HS6ST3: variants seen among roughly 807,000 people sequenced by gnomAD.
HS6ST3 encodes heparan sulfate 6-O-sulfotransferase 3, also known as heparan-sulfate 6-O-sulfotransferase 3.
Under a neutral mutation model 36.7 loss-of-function variants are expected in HS6ST3, and 12 were observed. The observed-to-expected ratio is 0.33, with a 90% CI of 0.21 to 0.53. HS6ST3 has a LOEUF of 0.53. HS6ST3 is among the 20% of genes least tolerant of loss of function. HS6ST3 has a pLI of 0.95. For missense variants in HS6ST3, 584 were observed against 640.9 expected (o/e 0.91, Z 0.96); for synonymous variants, 240 against 257.5 (o/e 0.93, Z 0.65).
intron 1 of HS6ST3, among the ~76,000 whole-genome samples, chr13:96,485,304 A>G (rs955737209): frequency 2.6e-5 from 4 of 151,972 alleles, no homozygotes; most frequent in Non-Finnish European, 5.9e-5. Context: ...TGTTGTATAT[A>G]TTTTATTAGA....
intron 1 of HS6ST3, among the ~76,000 whole-genome samples, chr13:96,202,808 T>G (rs1041663077): frequency 3.3e-5 from 5 of 152,214 alleles, no homozygotes; most frequent in Non-Finnish European, 7.3e-5. Flanking sequence ...GTTCACAGAA[T>G]GGAAAGTCTG....
At chr13:96,317,898 G>A (rs1022414882) in intron 1 of HS6ST3, among the ~76,000 whole-genome samples, 2 of 151,532 alleles carry the variant, frequency 1.3e-5, no homozygotes, top group Non-Finnish European at 3.0e-5. Context: ...TTTGTTGGGG[G>A]GAGTTATTTT....
intron 1 of HS6ST3, among the ~76,000 whole-genome samples, chr13:96,691,048 A>G (rs1180046983): frequency 2.0e-5 from 3 of 152,126 alleles, no homozygotes; most frequent in Admixed American, 2.0e-4. Flanking sequence ...ACAATGGCAA[A>G]TATTACATCA....
At chr13:96,357,743 A>T (rs1000146277) in intron 1 of HS6ST3, among the ~76,000 whole-genome samples, 4 of 152,062 alleles carry the variant, frequency 2.6e-5, no homozygotes, top group Admixed American at 2.6e-4. Flanking sequence ...GCTGGTCTCA[A>T]ACTCCTGGCC....
At chr13:96,290,243 T>G (rs1000525532) in intron 1 of HS6ST3, among the ~76,000 whole-genome samples, 7 of 152,080 alleles carry the variant, frequency 4.6e-5, no homozygotes, top group Non-Finnish European at 2.9e-5. Flanking sequence ...GGTTGGGCAG[T>G]GCAGCATAGC....
At chr13:96,328,068 A>C (rs2055042826) in intron 1 of HS6ST3, among the ~76,000 whole-genome samples, 1 of 147,214 alleles carries the variant, frequency 6.8e-6, no homozygotes, top group Non-Finnish European at 1.5e-5. Context: ...TATCAGCTTA[A>C]GGAGATTTTG....
At chr13:96,776,868 A>C (rs1877399039) in intron 1 of HS6ST3, among the ~76,000 whole-genome samples, 1 of 152,162 alleles carries the variant, frequency 6.6e-6, no homozygotes, top group Admixed American at 6.5e-5. Flanking sequence ...TGATAGAAAA[A>C]CCTGGCAGAG....
chr13:96,503,329 G>A (rs1455275531), intron 1 of HS6ST3, among the ~76,000 whole-genome samples: 1 of 152,164 alleles, frequency 6.6e-6, no homozygotes, highest in African/African-American at 2.4e-5. Context: ...CAACTGCCAT[G>A]TGAGGCCTAG....
chr13:96,561,508 T>C (rs774156422), intron 1 of HS6ST3, among the ~76,000 whole-genome samples: 3 of 151,886 alleles, frequency 2.0e-5, no homozygotes, highest in Non-Finnish European at 2.9e-5. Context: ...CAAAAGCAAT[T>C]CCTCAATAAA....
chr13:96,536,264 G>A (rs536784782), intron 1 of HS6ST3, among the ~76,000 whole-genome samples: 8 of 152,256 alleles, frequency 5.3e-5, no homozygotes, highest in East Asian at 1.9e-4. Flanking sequence ...GGCAGAAATC[G>A]TTGTCTTTGG....
In HS6ST3 at chr13:96,460,214, T is replaced by C. The variant is rs528758959; in HGVS notation, c.707+368645T>C. Among the ~76,000 whole-genome samples, 85 of 152,290 alleles carry C rather than the reference T, an allele frequency of 5.6e-4. 3 individuals carry two copies. The South Asian group carries it at 0.016, about 28-fold the overall frequency. ...AACCCCACTACTGTGCCATTATTAG[T>C]ATTTGGGAGCAGAAAGCAAACCCAG... On this transcript the variant is annotated intron_variant, in intron 1 of 1. Coordinates refer to ENST00000376705, the MANE Select transcript of HS6ST3 (RefSeq NM_153456.4).
At chr13:96,795,444 ACTT>A (rs1877886340) in intron 1 of HS6ST3, among the ~76,000 whole-genome samples, 1 of 152,068 alleles carries the variant, frequency 6.6e-6, no homozygotes, top group Non-Finnish European at 1.5e-5. Context: ...AGGTTATATA[ACTT>A]TCCCAAGGCC....
intron 1 of HS6ST3, among the ~76,000 whole-genome samples, chr13:96,391,296 A>T (rs894193858): frequency 6.6e-6 from 1 of 152,036 alleles, no homozygotes; most frequent in Non-Finnish European, 1.5e-5. Flanking sequence ...GCTTTGTGGA[A>T]CCCAAATATA....
intron 1 of HS6ST3, among the ~76,000 whole-genome samples, chr13:96,190,593 G>A (rs746220324): frequency 6.6e-6 from 1 of 152,162 alleles, no homozygotes; most frequent in Admixed American, 6.5e-5. Context: ...CAAGGTGTTG[G>A]AGATAAAGCA....
chr13:96,173,872 G>A (rs1013513634), intron 1 of HS6ST3, among the ~76,000 whole-genome samples: 13 of 151,826 alleles, frequency 8.6e-5, no homozygotes, highest in African/African-American at 3.1e-4. Flanking sequence ...TATTATTATG[G>A]TTAGTTACAT....
intron 1 of HS6ST3, among the ~76,000 whole-genome samples, chr13:96,473,993 C>G (rs1326755986): frequency 6.6e-6 from 1 of 152,156 alleles, no homozygotes; most frequent in Non-Finnish European, 1.5e-5. Flanking sequence ...GGTGAGCATT[C>G]CTGTGTTGTC....
intron 1 of HS6ST3, among the ~76,000 whole-genome samples, chr13:96,335,934 A>T (rs1174536538): frequency 1.3e-5 from 2 of 152,074 alleles, no homozygotes; most frequent in Non-Finnish European, 1.5e-5. Context: ...ATTATAATAA[A>T]CCTAAGTGTT....
At chr13:96,164,759 CTG>C (rs1227357153) in intron 1 of HS6ST3, among the ~76,000 whole-genome samples, 4 of 152,138 alleles carry the variant, frequency 2.6e-5, no homozygotes, top group African/African-American at 9.7e-5. Flanking sequence ...ATTAAGGAAA[CTG>C]AAACCTGTGG....
At chr13:96,523,719 G>C (rs1441095938) in intron 1 of HS6ST3, among the ~76,000 whole-genome samples, 1 of 152,088 alleles carries the variant, frequency 6.6e-6, no homozygotes, top group African/African-American at 2.4e-5. Flanking sequence ...AGCTCCTTCA[G>C]GTCTTCTCTA....
Sources: gnomAD v4.1 joint callset for allele counts (sites outside exome capture counted in the v4.1 genomes callset) on GRCh38, gnomAD v4.1.1 for gene constraint, MANE v1.5 for transcripts, NCBI Gene and HGNC (gene_info 2026-07-23, HGNC 2026-07-21) for gene names.